The following POU6F2 variants were observed in gnomAD, a reference collection of about 807,000 sequenced individuals.
The protein encoded by POU6F2 is POU domain, class 6, transcription factor 2.
A neutral mutation model predicts 71.3 loss-of-function variants in POU6F2; 31 were observed. That is an observed-to-expected ratio of 0.43 (90% confidence interval 0.33 to 0.59). POU6F2 has a LOEUF of 0.59. Among genes scored for constraint, POU6F2 ranks in the 20% least tolerant of loss-of-function variants. The pLI, the probability that POU6F2 is intolerant of heterozygous loss-of-function variation, is 0.04. For synonymous variants in POU6F2, 347 were observed against 355.7 expected (o/e 0.98, Z 0.27); for missense variants, 783 against 856.8 (o/e 0.91, Z 1.07).
chr7:39,223,610 T>A (rs1794409224), intron 4 of POU6F2, among the ~76,000 whole-genome samples: 1 of 152,190 alleles, frequency 6.6e-6, no homozygotes, highest in Non-Finnish European at 1.5e-5. Context: ...ATCCTGTTTT[T>A]CTTTGCAGCA....
chr7:39,266,762 T>A (rs1784253254), intron 4 of POU6F2, among the ~76,000 whole-genome samples: 1 of 64,620 alleles, frequency 1.5e-5, no homozygotes, highest in Non-Finnish European at 3.1e-5. Flanking sequence ...CAATTTAACA[T>A]TTTGATATAT....
intron 1 of POU6F2, among the ~76,000 whole-genome samples, chr7:39,041,673 A>G (rs969976400): frequency 6.6e-6 from 1 of 151,784 alleles, no homozygotes; most frequent in East Asian, 1.9e-4. Context: ...TTTTCTTCCA[A>G]TATATTCTTT....
intron 5 of POU6F2, among the ~76,000 whole-genome samples, chr7:39,356,550 A>T (rs1474290214): frequency 6.6e-6 from 1 of 152,200 alleles, no homozygotes; most frequent in Non-Finnish European, 1.5e-5. Flanking sequence ...CATTTGAATT[A>T]TAAGCCCCTT....
intron 7 of POU6F2, among the ~76,000 whole-genome samples, chr7:39,436,144 T>C (rs1788236640): frequency 6.6e-6 from 1 of 152,210 alleles, no homozygotes; most frequent in Non-Finnish European, 1.5e-5. Flanking sequence ...AAATAGTTTT[T>C]TCTAATTCTG....
chr7:39,141,765 G>A (rs1267403871), intron 2 of POU6F2, among the ~76,000 whole-genome samples: 6 of 152,118 alleles, frequency 3.9e-5, no homozygotes, highest in Admixed American at 6.5e-5. Context: ...GGAATGCCAC[G>A]AAAGAAGACT....
At chr7:39,094,596 T>C (rs983944416) in intron 2 of POU6F2, among the ~76,000 whole-genome samples, 17 of 152,252 alleles carry the variant, frequency 1.1e-4, no homozygotes, top group African/African-American at 4.1e-4. Context: ...TTTGCAGTTC[T>C]TCATGACCAC....
At chr7:39,383,154 A>T (rs1430509439) in intron 5 of POU6F2, among the ~76,000 whole-genome samples, 1 of 152,124 alleles carries the variant, frequency 6.6e-6, no homozygotes, top group African/African-American at 2.4e-5. Context: ...TTTAAGTTTT[A>T]TTTGCTTGTC....
Position 39,035,921 on chromosome 7 carries a change from A to ATT in POU6F2, c.106-49931_106-49930dup, listed in dbSNP as rs34391054. The stretch of plus-strand genomic sequence containing the variant: ...GGCAGCCTTTTGCATTCAAATAAAC[A>ATT]TTTTTTTTTAAACAAAGAGCTAATT... On this transcript the variant is annotated intron_variant, in intron 1 of 9. Transcript: ENST00000518318. Among the ~76,000 whole-genome samples, 314 of 151,386 alleles carry ATT rather than the reference A, an allele frequency of 2.1e-3. 1 individual carries two copies. The highest frequency in any genetic ancestry group is 4.1e-3 in the East Asian group (21 of 5,136).
chr7:38,992,745 T>C (rs859531), intron 1 of POU6F2, among the ~76,000 whole-genome samples: 28,534 of 152,178 alleles, frequency 0.19, 2,858 homozygotes, highest in Middle Eastern at 0.26. Context: ...CTTTGCCACC[T>C]TTAAAACATA....
intron 4 of POU6F2, among the ~76,000 whole-genome samples, chr7:39,223,567 A>G (rs976964902): frequency 6.6e-6 from 1 of 152,190 alleles, no homozygotes; most frequent in Non-Finnish European, 1.5e-5. Context: ...TAAAATCCTG[A>G]CTGTTGGAAT....
intron 4 of POU6F2, among the ~76,000 whole-genome samples, chr7:39,275,438 G>A (rs959949663): frequency 1.1e-3 from 161 of 152,240 alleles, no homozygotes; most frequent in African/African-American, 3.7e-3. Flanking sequence ...CATGCTCATG[G>A]GTAGGAAGAA....
At chr7:39,275,325 T>C (rs1360684432) in intron 4 of POU6F2, among the ~76,000 whole-genome samples, 2 of 152,190 alleles carry the variant, frequency 1.3e-5, no homozygotes, top group African/African-American at 4.8e-5. Context: ...AATAAAATAC[T>C]TAGGAATCCA....
chr7:39,297,196 TACACACACACAC>T (rs61192418), intron 4 of POU6F2, among the ~76,000 whole-genome samples: 163 of 139,112 alleles, frequency 1.2e-3, no homozygotes, highest in African/African-American at 3.6e-3. Flanking sequence ...CACATACACA[TACACACACACAC>T]ACACACACAC....
intron 2 of POU6F2, among the ~76,000 whole-genome samples, chr7:39,184,326 T>A (rs1453249826): frequency 6.6e-6 from 1 of 152,188 alleles, no homozygotes; most frequent in African/African-American, 2.4e-5. Context: ...ACAAAAAATA[T>A]CAAGTAGTCC....
At chr7:39,284,170 T>C (rs1027057287) in intron 4 of POU6F2, among the ~76,000 whole-genome samples, 38 of 152,208 alleles carry the variant, frequency 2.5e-4, no homozygotes, top group African/African-American at 8.9e-4. Flanking sequence ...ATGATTAAGA[T>C]AGATACTTGG....
rs79901888 is a variant in POU6F2, at chr7:39,226,754, A to G, written c.598+19134A>G. Among the ~76,000 whole-genome samples, 372 of 152,302 alleles carry G rather than the reference A, an allele frequency of 2.4e-3. 2 individuals carry two copies. Among genetic ancestry groups the G allele is most frequent in the African/African-American group, 8.5e-3 (353 of 41,558 alleles). On this transcript the variant is annotated intron_variant, in intron 4 of 9. Transcript: ENST00000518318. ...TTATTCCAATTTTGTAAAAGTACTC[A>G]TAATTGTTTCCATGATCAGAGAAGA...
At chr7:39,148,132 G>C (rs1792659694) in intron 2 of POU6F2, among the ~76,000 whole-genome samples, 1 of 152,186 alleles carries the variant, frequency 6.6e-6, no homozygotes, top group African/African-American at 2.4e-5. Context: ...CAGCAGAAAA[G>C]CTGGCACAGA....
At chr7:39,341,244 G>T (rs1420791145) in intron 5 of POU6F2, among the ~76,000 whole-genome samples, 4 of 152,198 alleles carry the variant, frequency 2.6e-5, no homozygotes, top group Non-Finnish European at 5.9e-5. Context: ...CAGTGGTGTG[G>T]CCCAAAGCAT....
At chr7:39,167,349 A>G (rs1033169500) in intron 2 of POU6F2, among the ~76,000 whole-genome samples, 2 of 152,228 alleles carry the variant, frequency 1.3e-5, no homozygotes, top group Non-Finnish European at 2.9e-5. Flanking sequence ...ACATAGTACT[A>G]GTATCCTAGT....
Sources: gnomAD v4.1 joint callset for allele counts (sites outside exome capture counted in the v4.1 genomes callset) on GRCh38, gnomAD v4.1.1 for gene constraint, MANE v1.5 for transcripts, NCBI Gene and HGNC (gene_info 2026-07-23, HGNC 2026-07-21) for gene names.